SPATA16: variants seen among roughly 807,000 people sequenced by gnomAD.
The protein encoded by SPATA16 is spermatogenesis associated 16.
In SPATA16, 36 loss-of-function variants were observed where a neutral mutation model predicts 63.3. That is an observed-to-expected ratio of 0.57 (90% CI 0.44 to 0.75). The LOEUF (loss-of-function observed/expected upper bound fraction) is 0.75. Ranked by LOEUF, SPATA16 falls within the 30% of genes least tolerant of loss-of-function variation. The pLI, the probability that SPATA16 is intolerant of heterozygous loss-of-function variation, is 0.00. For missense variants in SPATA16, 646 were observed against 679.3 expected (o/e 0.95, Z 0.54); for synonymous variants, 203 against 216.7 (o/e 0.94, Z 0.56).
chr3:173,059,151 T>C (rs1736316860), intron 2 of SPATA16, among the ~76,000 whole-genome samples: 1 of 152,104 alleles, frequency 6.6e-6, no homozygotes, highest in African/African-American at 2.4e-5. Context: ...TTTACTGTAT[T>C]TCTTAACTAG....
At chr3:172,919,008 A>G (rs1732560206) in intron 8 of SPATA16, among the ~76,000 whole-genome samples, 1 of 152,224 alleles carries the variant, frequency 6.6e-6, no homozygotes, top group Admixed American at 6.5e-5. Flanking sequence ...GGGGTAGGAA[A>G]CACTTATTAT....
intron 1 of SPATA16, among the ~76,000 whole-genome samples, chr3:173,129,986 G>T (rs1162926743): frequency 6.6e-6 from 1 of 152,170 alleles, no homozygotes; most frequent in Non-Finnish European, 1.5e-5. Flanking sequence ...AGGTTGAACT[G>T]GATGTTTATT....
intron 2 of SPATA16, among the ~76,000 whole-genome samples, chr3:173,062,130 A>G (rs1335775764): frequency 1.5e-5 from 2 of 136,872 alleles, no homozygotes; most frequent in African/African-American, 5.5e-5. Flanking sequence ...TTTTACCTTG[A>G]TCTGACCAAC....
At chr3:172,930,849 G>T (rs191667123) in intron 6 of SPATA16, among the ~76,000 whole-genome samples, 1 of 150,728 alleles carries the variant, frequency 6.6e-6, no homozygotes, top group Non-Finnish European at 1.5e-5. Context: ...ACCTTTTTGA[G>T]AGGGAGTTTC....
chr3:173,010,647 T>C (rs1314230966), intron 4 of SPATA16, among the ~76,000 whole-genome samples: 2 of 152,126 alleles, frequency 1.3e-5, no homozygotes, highest in African/African-American at 2.4e-5. Context: ...AGACTGCTTT[T>C]CGCTTGACTC....
intron 5 of SPATA16, among the ~76,000 whole-genome samples, chr3:172,965,640 A>AT (rs532407449): frequency 0.029 from 4,316 of 149,346 alleles, 95 homozygotes; most frequent in Middle Eastern, 0.072. Context: ...ATTATTTATT[A>AT]TTTTTTTTTT....
intron 2 of SPATA16, among the ~76,000 whole-genome samples, chr3:173,081,818 A>T (rs1235913578): frequency 2.6e-5 from 4 of 152,214 alleles, no homozygotes; most frequent in African/African-American, 9.6e-5. Flanking sequence ...GTTAAATTTA[A>T]AGGGAACTGC....
In SPATA16 at chr3:173,117,672, C is replaced by T; in HGVS notation, c.60G>A (p.Gln20=). The change falls in exon 2 of 11, where the codon CAG becomes CAA. Residue 20 remains glutamine (Q), a synonymous_variant. Coordinates refer to ENST00000351008, the MANE Select transcript of SPATA16 (RefSeq NM_031955.6). ...ENAVNRIYHD[Q]LVPKINTSKK... ...TGCTTGTGTTTATCTTTGGAACAAGCTGATCATGATAGATCCTATTCACTG... is the reference window on the plus strand; with the variant it reads ...TGCTTGTGTTTATCTTTGGAACAAGTTGATCATGATAGATCCTATTCACTG... The T allele has an allele frequency of 1.9e-6, 3 of 1,614,122 alleles. No homozygotes were observed. The highest frequency in any genetic ancestry group is 2.5e-6 in the Non-Finnish European group (3 of 1,179,998).
chr3:172,924,340 T>C, intron 7 of SPATA16, 23 bp from the exon 8 acceptor site: 1 of 1,557,170 alleles, frequency 6.4e-7, no homozygotes, highest in Non-Finnish European at 8.8e-7. Context: ...ACAATAAACT[T>C]TTATACTATT....
intron 5 of SPATA16, among the ~76,000 whole-genome samples, chr3:172,973,320 A>G (rs575308213): frequency 2.1e-3 from 319 of 152,242 alleles, no homozygotes; most frequent in Admixed American, 3.5e-3. Flanking sequence ...AATGAATTAG[A>G]TTCTCAGAGG....
At chr3:172,994,033 T>G (rs1284753316) in intron 4 of SPATA16, among the ~76,000 whole-genome samples, 1 of 152,162 alleles carries the variant, frequency 6.6e-6, no homozygotes. Flanking sequence ...TTACAGAGTC[T>G]GGGTCACATC....
At chr3:172,912,252 C>T (rs115510035) in intron 10 of SPATA16, among the ~76,000 whole-genome samples, 2,936 of 152,218 alleles carry the variant, frequency 0.019, 30 homozygotes, top group Middle Eastern at 0.058. Context: ...GGCTATTCTG[C>T]CATTTGTTTC....
rs201811820 is a variant in SPATA16, at chr3:173,073,963, TG to T, written c.613-24870del. On this transcript the variant is annotated intron_variant, in intron 2 of 10. Transcript: ENST00000351008. ...ACCCACCTCTTGCATCAGTGTGACC[TG>T]GATAAGAGACATGGAGTCAAAGGAG... 9.2e-3 allele frequency among the ~76,000 whole-genome samples: 1,397 copies of T among 152,320 alleles called. 23 individuals carry two copies. The highest frequency in any genetic ancestry group is 0.032 in the African/African-American group (1,340 of 41,572).
intron 1 of SPATA16, among the ~76,000 whole-genome samples, chr3:173,130,338 G>A (rs111608588): frequency 0.12 from 14,956 of 120,188 alleles, 969 homozygotes; most frequent in East Asian, 0.33. Flanking sequence ...CCAGCCTGGC[G>A]ACAGAGTGAG....
At chr3:173,104,240 TC>T (rs2108327548) in intron 2 of SPATA16, among the ~76,000 whole-genome samples, 1 of 152,292 alleles carries the variant, frequency 6.6e-6, no homozygotes, top group South Asian at 2.1e-4. Flanking sequence ...CATCTTCCTT[TC>T]TTCTTCTGAG....
rs74698322 is a variant in SPATA16, at chr3:172,954,975, T to C, written c.1081+1702A>G. Among the ~76,000 whole-genome samples the C allele has an allele frequency of 7.9e-3, 1,211 of 152,332 alleles. 13 individuals carry two copies. Among genetic ancestry groups the C allele is most frequent in the African/African-American group, 0.028 (1,152 of 41,566 alleles). ...ACTAGCATACTCTAGCAGTTTGTAA[T>C]TATAAGATAATAGAAACAATCATTA... On this transcript the variant is annotated intron_variant, in intron 6 of 10. Transcript: ENST00000351008.
chr3:172,945,409 T>C (rs1733257696), intron 6 of SPATA16, among the ~76,000 whole-genome samples: 1 of 152,206 alleles, frequency 6.6e-6, no homozygotes, highest in South Asian at 2.1e-4. Flanking sequence ...CAACTATCCA[T>C]ACAAGAAATA....
At chr3:172,997,140 T>G (rs554960212) in intron 4 of SPATA16, among the ~76,000 whole-genome samples, 11 of 152,304 alleles carry the variant, frequency 7.2e-5, no homozygotes, top group African/African-American at 2.6e-4. Context: ...CTCCTTTGTG[T>G]AAATACCAAG....
chr3:172,988,036 G>C (rs1734495128), intron 4 of SPATA16, among the ~76,000 whole-genome samples: 1 of 152,128 alleles, frequency 6.6e-6, no homozygotes, highest in Admixed American at 6.6e-5. Context: ...AAACTCAGAT[G>C]CCTATTTCTC....
Sources: gnomAD v4.1 joint callset for allele counts (sites outside exome capture counted in the v4.1 genomes callset) on GRCh38, gnomAD v4.1.1 for gene constraint, MANE v1.5 for transcripts, NCBI Gene and HGNC (gene_info 2026-07-23, HGNC 2026-07-21) for gene names.